The following CPNE4 variants were observed in gnomAD, a reference collection of about 807,000 sequenced individuals.
The protein encoded by CPNE4 is copine 4, also known as copine-4.
CPNE4 carries 25 observed loss-of-function variants against 67.9 expected under a neutral mutation model. That is an observed-to-expected ratio of 0.37 (90% confidence interval 0.27 to 0.51). The LOEUF (loss-of-function observed/expected upper bound fraction) is 0.51. Among genes scored for constraint, CPNE4 ranks in the 20% least tolerant of loss-of-function variants. The pLI, the probability that CPNE4 is intolerant of heterozygous loss-of-function variation, is 0.93. For synonymous variants in CPNE4, 242 were observed against 244.9 expected, an observed-to-expected ratio of 0.99 and a Z score of 0.11; for missense variants, 464 against 690.8, an observed-to-expected ratio of 0.67 and a Z score of 3.68.
chr3:132,003,781 G>T (rs953417842), intron 1 of CPNE4, among the ~76,000 whole-genome samples: 3 of 152,032 alleles, frequency 2.0e-5, no homozygotes, highest in Non-Finnish European at 2.9e-5. Flanking sequence ...TTGGGATCTG[G>T]GAAAGTAAAA....
chr3:131,966,745 A>G (rs1238191282), intron 1 of CPNE4, among the ~76,000 whole-genome samples: 1 of 152,110 alleles, frequency 6.6e-6, no homozygotes, highest in Non-Finnish European at 1.5e-5. Context: ...CTACCAAACA[A>G]ACAAACAAAA....
intron 2 of CPNE4, among the ~76,000 whole-genome samples, chr3:131,853,558 A>C (rs1446393707): frequency 1.3e-5 from 2 of 151,860 alleles, no homozygotes; most frequent in Non-Finnish European, 2.9e-5. Flanking sequence ...TAAAAGAAAA[A>C]AATAATATAT....
At position 131,549,928 on chromosome 3, in the gene CPNE4, C is replaced by G. The variant is rs1352625431; in HGVS notation, c.1302+19G>C. ...GGAAGAGTAAGCTCCCCTTAGGAGGCAAATAGCCCCCTCCTTACCGATGCC... is the reference window on the plus strand; with the variant it reads ...GGAAGAGTAAGCTCCCCTTAGGAGGGAAATAGCCCCCTCCTTACCGATGCC... On this transcript the variant is annotated intron_variant, in intron 14 of 15. Coordinates refer to ENST00000429747, the MANE Select transcript of CPNE4 (RefSeq NM_130808.3). 3 of 1,612,296 alleles carry G rather than the reference C, an allele frequency of 1.9e-6. No homozygotes were observed. Among genetic ancestry groups the G allele is most frequent in the Non-Finnish European group, 2.5e-6 (3 of 1,178,954 alleles).
At chr3:131,767,265 G>GTGTA (rs2083044173) in intron 2 of CPNE4, among the ~76,000 whole-genome samples, 1 of 98,768 alleles carries the variant, frequency 1.0e-5, no homozygotes, top group Admixed American at 1.1e-4. Context: ...GTGAGCGTGT[G>GTGTA]TGTGTGTGTG....
intron 2 of CPNE4, among the ~76,000 whole-genome samples, chr3:131,839,041 G>A (rs963354401): frequency 3.5e-4 from 53 of 151,980 alleles, no homozygotes; most frequent in Admixed American, 2.9e-3. Flanking sequence ...ACAGATTGGT[G>A]TAAGCTTTTT....
At chr3:131,899,056 G>C (rs1451771740) in intron 2 of CPNE4, among the ~76,000 whole-genome samples, 2 of 152,098 alleles carry the variant, frequency 1.3e-5, no homozygotes, top group African/African-American at 2.4e-5. Context: ...TTTTGAGAAA[G>C]AAGCTTGTCT....
At chr3:131,820,026 C>T (rs149368652) in intron 2 of CPNE4, among the ~76,000 whole-genome samples, 20 of 152,286 alleles carry the variant, frequency 1.3e-4, no homozygotes, top group African/African-American at 4.3e-4. Flanking sequence ...TTTCCTTAGA[C>T]AAGTTGCTTA....
At chr3:131,949,889 G>A (rs2071669727) in intron 1 of CPNE4, among the ~76,000 whole-genome samples, 1 of 151,976 alleles carries the variant, frequency 6.6e-6, no homozygotes. Context: ...GTACTCCCTT[G>A]GATGAATATA....
chr3:131,637,284 A>G (rs2079414619), intron 7 of CPNE4, among the ~76,000 whole-genome samples: 1 of 152,230 alleles, frequency 6.6e-6, no homozygotes, highest in Non-Finnish European at 1.5e-5. Context: ...TTAAAGAAAT[A>G]AAAAACATGA....
intron 2 of CPNE4, among the ~76,000 whole-genome samples, chr3:131,852,134 A>G (rs2086264739): frequency 6.6e-6 from 1 of 152,076 alleles, no homozygotes; most frequent in East Asian, 1.9e-4. Flanking sequence ...TTATTCTTAA[A>G]ATATTTTCTA....
intron 2 of CPNE4, among the ~76,000 whole-genome samples, chr3:131,831,000 C>A (rs2085348412): frequency 6.6e-6 from 1 of 151,790 alleles, no homozygotes; most frequent in Admixed American, 6.6e-5. Flanking sequence ...AATAATTGTT[C>A]TAGGTCAATT....
chr3:131,750,567 T>G (rs189334100), intron 2 of CPNE4, among the ~76,000 whole-genome samples: 1 of 152,132 alleles, frequency 6.6e-6, no homozygotes, highest in Non-Finnish European at 1.5e-5. Context: ...AAACTTTACT[T>G]TCCCCAATGT....
chr3:131,857,677 C>T (rs563008885), intron 2 of CPNE4, among the ~76,000 whole-genome samples: 87 of 152,158 alleles, frequency 5.7e-4, no homozygotes, highest in Middle Eastern at 6.8e-3. Flanking sequence ...CTAGTGCCCA[C>T]TTTCTAAGAA....
At chr3:131,720,259 G>A (rs528683856) in intron 3 of CPNE4, among the ~76,000 whole-genome samples, 3 of 147,338 alleles carry the variant, frequency 2.0e-5, no homozygotes, top group Non-Finnish European at 4.5e-5. Flanking sequence ...GAGGATTAAT[G>A]TTCCCACCTT....
chr3:131,870,589 C>T (rs2087156657), intron 2 of CPNE4, among the ~76,000 whole-genome samples: 1 of 152,172 alleles, frequency 6.6e-6, no homozygotes, highest in East Asian at 1.9e-4. Flanking sequence ...TACACCACTT[C>T]TTTCTCCCCT....
At chr3:131,792,735 GTGTATATA>G (rs1373332923) in intron 2 of CPNE4, among the ~76,000 whole-genome samples, 6 of 84,290 alleles carry the variant, frequency 7.1e-5, no homozygotes, top group African/African-American at 1.7e-4. Flanking sequence ...ATATACACGT[GTGTATATA>G]TGTATATATA....
chr3:131,972,986 A>G (rs2072544507), intron 1 of CPNE4, among the ~76,000 whole-genome samples: 1 of 152,156 alleles, frequency 6.6e-6, no homozygotes, highest in Admixed American at 6.5e-5. Flanking sequence ...GGAGCATACA[A>G]AGGTCTACAA....
At chr3:131,804,736 C>T (rs1440599140) in intron 2 of CPNE4, among the ~76,000 whole-genome samples, 1 of 152,222 alleles carries the variant, frequency 6.6e-6, no homozygotes, top group African/African-American at 2.4e-5. Flanking sequence ...TTAAATGCTT[C>T]TGCTCTTTCT....
intron 15 of CPNE4, among the ~76,000 whole-genome samples, chr3:131,537,092 A>C (rs919190716): frequency 3.9e-5 from 6 of 151,970 alleles, no homozygotes; most frequent in African/African-American, 1.4e-4. Flanking sequence ...CTACACATGC[A>C]AAAAAAATTT....
Sources: allele counts gnomAD v4.1 joint callset (sites outside exome capture counted in the v4.1 genomes callset), GRCh38; gene constraint gnomAD v4.1.1; transcripts MANE v1.5; gene names NCBI Gene and HGNC (gene_info 2026-07-23, HGNC 2026-07-21).